Variants in RPRD2 observed in about 807,000 individuals in gnomAD.
RPRD2 encodes the protein regulation of nuclear pre-mRNA domain-containing protein 2.
Under a neutral mutation model 104.4 loss-of-function variants are expected in RPRD2, and 12 were observed. The ratio of observed to expected loss-of-function variants is 0.11; its 90% CI spans 0.07 to 0.19. RPRD2 has a LOEUF of 0.19. Among genes scored for constraint, RPRD2 ranks in the 10% least tolerant of loss-of-function variants. The probability of loss-of-function intolerance (pLI) is 1.00; values close to 1 mark genes in which losing one functional copy is unlikely to be tolerated. For synonymous variants in RPRD2, 714 were observed against 684.9 expected, an observed-to-expected ratio of 1.04 and a Z score of -0.66; for missense variants, 1,543 against 1,790.1, an observed-to-expected ratio of 0.86 and a Z score of 2.49.
At chr1:150,414,145 T>A (rs1553888148) in intron 1 of RPRD2, among the ~76,000 whole-genome samples, 1 of 152,046 alleles carries the variant, frequency 6.6e-6, no homozygotes, top group Non-Finnish European at 1.5e-5. Context: ...CATTGACTGG[T>A]AAAGGGAAAT....
intron 1 of RPRD2, among the ~76,000 whole-genome samples, chr1:150,376,229 G>A (rs1406242167): frequency 6.6e-6 from 1 of 152,088 alleles, no homozygotes; most frequent in Non-Finnish European, 1.5e-5. Flanking sequence ...TTGAGGCCTT[G>A]ATCTCTCCCT....
At position 150,438,683 on chromosome 1, in the gene RPRD2, G is replaced by C. The variant is rs868964861; in HGVS notation, c.336-2240G>C. ...GTGTCATTAGGGAATTTTATCCTTT[G>C]AACATCCTAGAGTGTACTTAAATAA... On this transcript the variant is annotated intron_variant, in intron 2 of 10. Transcript: ENST00000369068. Among the ~76,000 whole-genome samples the C allele has an allele frequency of 1.1e-4, 17 of 152,124 alleles. No homozygotes were observed. In the South Asian group the frequency reaches 1.5e-3, roughly 13 times the overall value.
intron 7 of RPRD2, among the ~76,000 whole-genome samples, chr1:150,451,682 A>C (rs1339727048): frequency 6.6e-6 from 1 of 151,346 alleles, no homozygotes; most frequent in Non-Finnish European, 1.5e-5. Flanking sequence ...CTCAAAAAAA[A>C]AAAAAAAAAA....
rs201375427 is a variant in RPRD2, at chr1:150,472,277, G to A, written c.3329G>A (p.Arg1110Gln). 6.2e-7 allele frequency: 1 copy of A among 1,613,870 alleles called. No individual in the cohort carries two copies. Among genetic ancestry groups the A allele is most frequent in the East Asian group, 2.2e-5 (1 of 44,876 alleles). ...CCGATCCAGACCGTAGAGTCCATCC[G>A]AGTTCCTGGGAAGGGAAATAGAGGA... ...GEPIQTVESI[R>Q]VPGKGNRGHG... Residue 1110 changes from arginine (R) to glutamine (Q), a missense_variant, in exon 11 of 11, where the codon CGA (arginine) becomes CAA (glutamine). Arg to Gln is a conservative substitution (Grantham distance 43). Coordinates refer to ENST00000369068, the MANE Select transcript of RPRD2 (RefSeq NM_015203.5).
chr1:150,441,821 A>T (rs1168723855), intron 3 of RPRD2, 60 bp from the exon 4 acceptor site: 14 of 1,210,806 alleles, frequency 1.2e-5, no homozygotes, highest in African/African-American at 1.5e-5. Context: ...TTGGCACTGA[A>T]GTGGACAGAC....
intron 1 of RPRD2, among the ~76,000 whole-genome samples, chr1:150,385,772 A>T (rs1050199515): frequency 3.9e-4 from 60 of 152,310 alleles, no homozygotes; most frequent in African/African-American, 1.3e-3. Flanking sequence ...GAGTGGTTCA[A>T]AATTGCTGAA....
chr1:150,373,123 C>T (rs1553878789), intron 1 of RPRD2, among the ~76,000 whole-genome samples: 1 of 152,022 alleles, frequency 6.6e-6, no homozygotes, highest in Non-Finnish European at 1.5e-5. Flanking sequence ...AAGCGATTCT[C>T]CTGTCTCAGC....
At chr1:150,405,689 AACC>A (rs1279489993) in intron 1 of RPRD2, among the ~76,000 whole-genome samples, 2 of 152,154 alleles carry the variant, frequency 1.3e-5, no homozygotes, top group Non-Finnish European at 2.9e-5. Context: ...TTTCCTGGTT[AACC>A]ATGCCTAAAA....
chr1:150,443,403 G>GA, intron 5 of RPRD2, 120 bp downstream of exon 5: 1 of 730,090 alleles, frequency 1.4e-6, no homozygotes, highest in Non-Finnish European at 2.2e-6. Flanking sequence ...TTTTAAACAT[G>GA]CATGAACTGT....
At chr1:150,417,960 T>C (rs9436110) in intron 2 of RPRD2, among the ~76,000 whole-genome samples, 4 of 151,514 alleles carry the variant, frequency 2.6e-5, no homozygotes, top group African/African-American at 7.3e-5. Flanking sequence ...TTCCTTCCTT[T>C]CTTTTCTTTC....
intron 2 of RPRD2, among the ~76,000 whole-genome samples, chr1:150,419,397 A>G (rs1553889186): frequency 6.6e-6 from 1 of 152,186 alleles, no homozygotes; most frequent in East Asian, 1.9e-4. Context: ...ATAAGAAATA[A>G]AAGAACTGAC....
In RPRD2 at chr1:150,426,354, G is replaced by A. The variant is rs782324438; in HGVS notation, c.335+8629G>A. 1.5e-4 allele frequency among the ~76,000 whole-genome samples: 23 copies of A among 152,130 alleles called. 1 individual carries two copies. Among genetic ancestry groups the A allele is most frequent in the Admixed American group, 1.3e-3 (20 of 15,262 alleles). The stretch of plus-strand genomic sequence containing the variant: ...GAGTCAAACTTGCAAGGTTGCCTGG[G>A]TTTAAATCCTGGATCTCTTACTTGG... On this transcript the variant is annotated intron_variant, in intron 2 of 10. Coordinates refer to ENST00000369068, the MANE Select transcript of RPRD2 (RefSeq NM_015203.5).
chr1:150,464,947 A>T (rs1668170785), intron 10 of RPRD2, among the ~76,000 whole-genome samples: 1 of 151,748 alleles, frequency 6.6e-6, no homozygotes, highest in South Asian at 2.1e-4. Flanking sequence ...TCGGCTCACT[A>T]CAACCTCTGC....
At position 150,457,507 on chromosome 1, in the gene RPRD2, G is replaced by C. The variant is rs1553897877; in HGVS notation, c.1090G>C (p.Asp364His). 1 of 1,613,900 alleles carries C rather than the reference G, an allele frequency of 6.2e-7. No homozygotes were observed. The change falls in exon 8 of 11, where the codon GAT becomes CAT. Residue 364 changes from aspartate (D) to histidine (H), a missense_variant. Coordinates refer to ENST00000369068, the MANE Select transcript of RPRD2 (RefSeq NM_015203.5). ...ATCTGCCACACCTGAACCTGTGACA[G>C]ATAATCGTGATGTGGAAGACATGGA... ...EKSATPEPVT[D>H]NRDVEDMELS... is the part of the protein sequence containing the mutation.
chr1:150,463,978 A>G (rs953020005), intron 9 of RPRD2, among the ~76,000 whole-genome samples: 3 of 152,160 alleles, frequency 2.0e-5, no homozygotes, highest in Non-Finnish European at 2.9e-5. Context: ...CCCTGTCTCT[A>G]TTTTTTAAAA....
intron 1 of RPRD2, among the ~76,000 whole-genome samples, chr1:150,370,662 C>T (rs1660234675): frequency 6.7e-6 from 1 of 148,166 alleles, no homozygotes; most frequent in South Asian, 2.1e-4. Flanking sequence ...GCAACCTCTG[C>T]CCCCTGGGTT....
At chr1:150,423,065 G>A (rs1280933509) in intron 2 of RPRD2, among the ~76,000 whole-genome samples, 1 of 152,154 alleles carries the variant, frequency 6.6e-6, no homozygotes, top group African/African-American at 2.4e-5. Context: ...AAGAAAATAT[G>A]TATGTGAGAG....
intron 1 of RPRD2, among the ~76,000 whole-genome samples, chr1:150,371,684 G>A (rs1455013768): frequency 6.6e-6 from 1 of 152,152 alleles, no homozygotes. Flanking sequence ...AAGAGGTTAA[G>A]TAACTTGCCC....
intron 1 of RPRD2, among the ~76,000 whole-genome samples, chr1:150,392,625 G>T (rs1478355182): frequency 6.6e-6 from 1 of 152,152 alleles, no homozygotes; most frequent in Admixed American, 6.5e-5. Context: ...GGACTATCGC[G>T]TGAAGCCAGG....
Sources: gnomAD v4.1 joint callset for allele counts (sites outside exome capture counted in the v4.1 genomes callset) on GRCh38, gnomAD v4.1.1 for gene constraint, MANE v1.5 for transcripts, NCBI Gene and HGNC (gene_info 2026-07-23, HGNC 2026-07-21) for gene names.